Variants in CYTH1 observed in about 807,000 individuals in gnomAD.
The protein encoded by CYTH1 is cytohesin 1, also known as cytohesin-1.
A neutral mutation model predicts 61.8 loss-of-function variants in CYTH1; 18 were observed. The ratio of observed to expected loss-of-function variants is 0.29; its 90% CI spans 0.20 to 0.43. The LOEUF (loss-of-function observed/expected upper bound fraction) is 0.43. Ranked by LOEUF, CYTH1 falls within the 20% of genes least tolerant of loss-of-function variation. The pLI is 1.00. For missense variants in CYTH1, 336 were observed against 510.5 expected, an observed-to-expected ratio of 0.66 and a Z score of 3.29; for synonymous variants, 174 against 184.3, an observed-to-expected ratio of 0.94 and a Z score of 0.45.
At chr17:78,686,597 C>G (rs1429649154) in intron 11 of CYTH1, among the ~76,000 whole-genome samples, 1 of 152,094 alleles carries the variant, frequency 6.6e-6, no homozygotes, top group Non-Finnish European at 1.5e-5. Context: ...GAGTTCTGGT[C>G]TTTCCTCTCG....
intron 1 of CYTH1, among the ~76,000 whole-genome samples, chr17:78,757,079 A>T (rs1242978113): frequency 6.9e-6 from 1 of 144,666 alleles, no homozygotes; most frequent in Non-Finnish European, 1.5e-5. Context: ...TCCTGAGTAG[A>T]TGGGACTACA....
intron 1 of CYTH1, among the ~76,000 whole-genome samples, chr17:78,750,811 A>C (rs1032620263): frequency 6.6e-6 from 1 of 152,058 alleles, no homozygotes; most frequent in Non-Finnish European, 1.5e-5. Flanking sequence ...CAAAAAAAAA[A>C]AAAACAAAAA....
intron 1 of CYTH1, among the ~76,000 whole-genome samples, chr17:78,710,169 G>T (rs2093113981): frequency 6.6e-6 from 1 of 152,174 alleles, no homozygotes. Context: ...GTGGGGAGGG[G>T]AGGCAAGAGG....
At chr17:78,701,609 G>C in intron 6 of CYTH1, 62 bp downstream of exon 6, 1 of 1,459,484 alleles carries the variant, frequency 6.9e-7, no homozygotes, top group Non-Finnish European at 9.6e-7. Context: ...CCCCAGGACA[G>C]ACTCATGATC....
At chr17:78,714,286 T>C (rs958074002) in intron 1 of CYTH1, among the ~76,000 whole-genome samples, 2 of 151,680 alleles carry the variant, frequency 1.3e-5, no homozygotes, top group African/African-American at 4.9e-5. Context: ...CAGGCCTCCA[T>C]CTCAAAAAAA....
At chr17:78,739,124 A>G (rs2093332322) in intron 1 of CYTH1, among the ~76,000 whole-genome samples, 1 of 152,164 alleles carries the variant, frequency 6.6e-6, no homozygotes, top group Non-Finnish European at 1.5e-5. Context: ...GCCTTTGCCC[A>G]CCTTTCTATT....
In CYTH1 at chr17:78,760,355, TTATA is replaced by T. The variant is rs370393556; in HGVS notation, c.22+21843_22+21846del. Among the ~76,000 whole-genome samples, 494 of 52,258 alleles carry T rather than the reference TTATA, an allele frequency of 9.5e-3. 24 individuals carry two copies. The highest frequency in any genetic ancestry group is 0.014 in the Non-Finnish European group (365 of 26,484). 34.3% of individuals were successfully genotyped at this position (52,258 alleles called of 152,430 possible). A position where few individuals can be genotyped will look rare whatever the true frequency, so the allele number is the denominator to read the frequency against. On this transcript the variant is annotated intron_variant, in intron 1 of 13. Transcript: ENST00000446868. ...TCTGGCCTCTATCCAAATAGCAGGT[TTATA>T]TATATATATATATATATATATATAT...
At chr17:78,762,194 A>T (rs2093431690) in intron 1 of CYTH1, among the ~76,000 whole-genome samples, 1 of 152,254 alleles carries the variant, frequency 6.6e-6, no homozygotes. Context: ...TCCTAAGAAC[A>T]GAGAGCAACA....
At chr17:78,701,596 GC>G (rs1281261401) in intron 6 of CYTH1, 74 bp downstream of exon 6, 1 of 1,282,122 alleles carries the variant, frequency 7.8e-7, no homozygotes, top group South Asian at 1.3e-5. Context: ...TCAATAAAAT[GC>G]CCCCCAGGAC....
Position 78,675,810 on chromosome 17 carries a change from A to G in CYTH1, c.*281T>C, listed in dbSNP as rs2143929440. The G allele has an allele frequency of 7.2e-7, 1 of 1,386,230 alleles. No individual in the cohort carries two copies. The highest frequency in any genetic ancestry group is 1.5e-5 in the African/African-American group (1 of 68,750). The allele number at this position is 1,386,230 out of a possible 1,614,324, so 85.9% of individuals were successfully genotyped here. ...GCTCTGCTACCAGAACACTGAGCAGAGAAACTGGCCAGGAGGCTGCCCTGC... is the reference window on the plus strand; with the variant it reads ...GCTCTGCTACCAGAACACTGAGCAGGGAAACTGGCCAGGAGGCTGCCCTGC... On this transcript the variant is annotated 3_prime_UTR_variant, in exon 14 of 14. Transcript: ENST00000446868.
At chr17:78,706,403 G>A (rs906702530) in intron 3 of CYTH1, among the ~76,000 whole-genome samples, 4 of 150,034 alleles carry the variant, frequency 2.7e-5, no homozygotes. Flanking sequence ...GGAAGCACAC[G>A]GTGCCCACAG....
At chr17:78,707,191 CT>C (rs2093076567) in intron 3 of CYTH1, among the ~76,000 whole-genome samples, 1 of 152,140 alleles carries the variant, frequency 6.6e-6, no homozygotes, top group Non-Finnish European at 1.5e-5. Flanking sequence ...TCACTATACC[CT>C]GAAGGCACTG....
chr17:78,739,001 G>A (rs2093331898), intron 1 of CYTH1, among the ~76,000 whole-genome samples: 2 of 152,218 alleles, frequency 1.3e-5, no homozygotes, highest in South Asian at 2.1e-4. Flanking sequence ...GTCAGACAGT[G>A]GGAAACGGTT....
intron 11 of CYTH1, among the ~76,000 whole-genome samples, chr17:78,686,544 A>C (rs1021226245): frequency 2.0e-5 from 3 of 152,088 alleles, no homozygotes; most frequent in Non-Finnish European, 4.4e-5. Context: ...GCAGTCTCGT[A>C]GAGAATGGTG....
At chr17:78,742,020 T>A (rs1285057310) in intron 1 of CYTH1, among the ~76,000 whole-genome samples, 1 of 152,232 alleles carries the variant, frequency 6.6e-6, no homozygotes, top group African/African-American at 2.4e-5. Context: ...ATGGTTGCAT[T>A]ATGTATATGT....
At chr17:78,690,214 T>C (rs1243746999) in intron 11 of CYTH1, among the ~76,000 whole-genome samples, 1 of 150,854 alleles carries the variant, frequency 6.6e-6, no homozygotes, top group African/African-American at 2.4e-5. Flanking sequence ...ACTAACACAG[T>C]GAAACCCCGT....
chr17:78,767,913 T>A (rs935896813), intron 1 of CYTH1, among the ~76,000 whole-genome samples: 8 of 152,104 alleles, frequency 5.3e-5, no homozygotes, highest in African/African-American at 1.9e-4. Context: ...GAAATAATAT[T>A]TCAGAGAATT....
chr17:78,675,922 C>G lies in CYTH1; in HGVS notation c.*169G>C. On this transcript the variant is annotated 3_prime_UTR_variant, in exon 14 of 14. Transcript: ENST00000446868. ...GTCCTCTCTTCCCCAGTGATAACTG[C>G]CCACCCTTCTCCCACTTAAAAAAAA... The G allele has an allele frequency of 1.3e-6, 2 of 1,542,594 alleles. No individual in the cohort carries two copies. The highest frequency in any genetic ancestry group is 1.7e-6 in the Non-Finnish European group (2 of 1,143,068).
intron 2 of CYTH1, 88 bp from the exon 3 acceptor site, chr17:78,708,349 AAAAACAAAAT>A: frequency 8.0e-7 from 1 of 1,245,978 alleles, no homozygotes; most frequent in African/African-American, 1.5e-5. Flanking sequence ...CCCTCCAACC[AAAAACAAAAT>A]AAAGCAAAAT....
Sources: allele counts gnomAD v4.1 joint callset (sites outside exome capture counted in the v4.1 genomes callset), GRCh38; gene constraint gnomAD v4.1.1; transcripts MANE v1.5; gene names NCBI Gene and HGNC (gene_info 2026-07-23, HGNC 2026-07-21).